Variants in ARNT observed in about 807,000 individuals in gnomAD.
The protein encoded by ARNT is class E basic helix-loop-helix protein 2.
ARNT carries 30 observed loss-of-function variants against 105.0 expected under a neutral mutation model. That is an observed-to-expected ratio of 0.29 (90% CI 0.21 to 0.39). ARNT has a LOEUF of 0.39. Ranked by LOEUF, ARNT falls within the 10% of genes least tolerant of loss-of-function variation. The pLI is 1.00. For synonymous variants in ARNT, 304 were observed against 344.0 expected (o/e 0.88, Z 1.29); for missense variants, 748 against 978.7 (o/e 0.76, Z 3.15).
At chr1:150,820,278 C>T (rs1557860024) in intron 14 of ARNT, among the ~76,000 whole-genome samples, 2 of 152,188 alleles carry the variant, frequency 1.3e-5, no homozygotes, top group Non-Finnish European at 2.9e-5. Context: ...AACTGGTGTA[C>T]AAAACATAGT....
chr1:150,864,916 A>G (rs971979465), intron 1 of ARNT, among the ~76,000 whole-genome samples: 4 of 149,644 alleles, frequency 2.7e-5, no homozygotes, highest in Admixed American at 6.6e-5. Context: ...AAAAAGACCT[A>G]TAAAAGGTAA....
intron 1 of ARNT, among the ~76,000 whole-genome samples, chr1:150,860,889 T>C (rs1665517999): frequency 6.6e-6 from 1 of 151,778 alleles, no homozygotes; most frequent in Admixed American, 6.6e-5. Flanking sequence ...TAAAACAAAA[T>C]ATATAAAGAG....
intron 2 of ARNT, 148 bp downstream of exon 2, chr1:150,858,201 A>T (rs1447951227): frequency 1.9e-5 from 11 of 575,454 alleles, no homozygotes; most frequent in Non-Finnish European, 3.0e-5. Context: ...ACAGGGACTA[A>T]GGAGACTTAT....
intron 14 of ARNT, among the ~76,000 whole-genome samples, chr1:150,821,828 C>CTTTTTTTTTTTTTTTT (rs367766946): frequency 8.7e-6 from 1 of 114,908 alleles, no homozygotes; most frequent in Non-Finnish European, 1.7e-5. Flanking sequence ...TTTGTATTTT[C>CTTTTTTTTTTTTTTTT]TTTTTTTTTT....
intron 1 of ARNT, among the ~76,000 whole-genome samples, chr1:150,862,600 G>A (rs1014774990): frequency 6.6e-6 from 1 of 150,512 alleles, no homozygotes; most frequent in South Asian, 2.1e-4. Context: ...TCAGGGCCAA[G>A]TGCAGTGGCT....
rs58630631 is a variant in ARNT, at chr1:150,811,458, G to GCACACACA, written c.*555_*562dup. The GCACACACA allele has an allele frequency of 0.04, 9,044 of 228,790 alleles. 155 individuals carry two copies. The highest frequency in any genetic ancestry group is 0.11 in the East Asian group (1,805 of 16,216). 14.2% of individuals were successfully genotyped at this position (228,790 alleles called of 1,614,324 possible). ...GAGTGAAATACAGAAGCATGTGTGCGCACACACACACACACACACATACAC... is the reference window on the plus strand; with the variant it reads ...GAGTGAAATACAGAAGCATGTGTGCGCACACACACACACACACACACACACACATACAC... On this transcript the variant is annotated 3_prime_UTR_variant, in exon 22 of 22. Coordinates refer to ENST00000358595, the MANE Select transcript of ARNT (RefSeq NM_001668.4).
intron 19 of ARNT, 71 bp from the exon 20 acceptor site, chr1:150,814,310 G>C: frequency 2.1e-6 from 3 of 1,451,600 alleles, no homozygotes; most frequent in Admixed American, 1.8e-5. Flanking sequence ...ATGCCTATGA[G>C]AGTCAACACT....
intron 4 of ARNT, among the ~76,000 whole-genome samples, chr1:150,842,842 A>C (rs1661529260): frequency 6.6e-6 from 1 of 152,238 alleles, no homozygotes; most frequent in South Asian, 2.1e-4. Context: ...AGTCTGAACA[A>C]GAACCAACCA....
At chr1:150,814,950 C>G (rs992456071) in intron 19 of ARNT, among the ~76,000 whole-genome samples, 5 of 152,142 alleles carry the variant, frequency 3.3e-5, no homozygotes, top group African/African-American at 1.2e-4. Context: ...TTTATAAAAA[C>G]TATTTTCTCA....
At chr1:150,855,730 T>C (rs1207447076) in intron 2 of ARNT, among the ~76,000 whole-genome samples, 1 of 148,590 alleles carries the variant, frequency 6.7e-6, no homozygotes, top group Non-Finnish European at 1.5e-5. Context: ...AGTGAGACCA[T>C]GTCTTTAAAA....
Position 150,861,428 on chromosome 1 carries a change from C to T in ARNT, c.26-2968G>A, listed in dbSNP as rs142085436. The T allele has an allele frequency of 5.6e-3, 1,492 of 267,962 alleles. 12 individuals carry two copies. Among genetic ancestry groups the T allele is most frequent in the Non-Finnish European group, 9.1e-3 (1,216 of 133,702 alleles). 16.6% of individuals were successfully genotyped at this position (267,962 alleles called of 1,614,324 possible). A position where few individuals can be genotyped will look rare whatever the true frequency, so the allele number is the denominator to read the frequency against. On this transcript the variant is annotated intron_variant, in intron 1 of 21. Transcript: ENST00000358595. ...AATTGAAAGCAGGGTCTCAAAGAAA[C>T]ATTTGTATACCCACGTTCACAGAAG... is the stretch of plus-strand genomic sequence containing the variant.
intron 10 of ARNT, among the ~76,000 whole-genome samples, chr1:150,831,097 T>A (rs1470833124): frequency 6.6e-6 from 1 of 152,204 alleles, no homozygotes; most frequent in East Asian, 1.9e-4. Flanking sequence ...GTCAAGCAAC[T>A]TACCCTAGGT....
At chr1:150,871,294 GTTTT>G (rs754698911) in intron 1 of ARNT, among the ~76,000 whole-genome samples, 4 of 94,676 alleles carry the variant, frequency 4.2e-5, no homozygotes, top group African/African-American at 1.2e-4. Context: ...GGCAGTCGTG[GTTTT>G]TTTTTTTTTT....
chr1:150,814,793 AG>A (rs1448267297), intron 19 of ARNT, among the ~76,000 whole-genome samples: 2 of 152,210 alleles, frequency 1.3e-5, no homozygotes, highest in Non-Finnish European at 2.9e-5. Context: ...CAGTGAGCCA[AG>A]ATCGCGCCAC....
chr1:150,847,425 C>CAAAAAAA (rs587697329), intron 3 of ARNT, among the ~76,000 whole-genome samples: 6 of 91,692 alleles, frequency 6.5e-5, no homozygotes, highest in African/African-American at 2.7e-4. Flanking sequence ...GACTCCGTCT[C>CAAAAAAA]AAAAAAAAAA....
At chr1:150,846,235 T>C (rs1662188795) in intron 4 of ARNT, 28 bp downstream of exon 4, 1 of 1,580,578 alleles carries the variant, frequency 6.3e-7, no homozygotes, top group African/African-American at 1.4e-5. Context: ...TATTATATAT[T>C]ACAATATATT....
chr1:150,837,210 C>T (rs1441545616), intron 6 of ARNT, among the ~76,000 whole-genome samples: 1 of 152,124 alleles, frequency 6.6e-6, no homozygotes, highest in Non-Finnish European at 1.5e-5. Context: ...TTTCTCAATT[C>T]TAGATAAATC....
chr1:150,859,873 G>A (rs1665293879), intron 1 of ARNT, among the ~76,000 whole-genome samples: 1 of 152,008 alleles, frequency 6.6e-6, no homozygotes, highest in South Asian at 2.1e-4. Flanking sequence ...CCAGCATGGT[G>A]GCCCATGCCT....
At chr1:150,825,897 A>AAGT (rs1658137100) in intron 13 of ARNT, among the ~76,000 whole-genome samples, 1 of 151,164 alleles carries the variant, frequency 6.6e-6, no homozygotes, top group Admixed American at 6.6e-5. Context: ...AAGCTTAGTG[A>AAGT]AGTATACAAT....
Sources: gnomAD v4.1 joint callset for allele counts (sites outside exome capture counted in the v4.1 genomes callset) on GRCh38, gnomAD v4.1.1 for gene constraint, MANE v1.5 for transcripts, NCBI Gene and HGNC (gene_info 2026-07-23, HGNC 2026-07-21) for gene names.